LINGO1: variants seen among roughly 807,000 people sequenced by gnomAD.
LINGO1 encodes leucine-rich repeat and immunoglobulin-like domain-containing nogo receptor-interacting protein 1.
A neutral mutation model predicts 37.3 loss-of-function variants in LINGO1; 11 were observed. That is an observed-to-expected ratio of 0.29 (90% CI 0.19 to 0.49). The LOEUF (loss-of-function observed/expected upper bound fraction) is 0.49. Ranked by LOEUF, LINGO1 falls within the 20% of genes least tolerant of loss-of-function variation. The probability of loss-of-function intolerance (pLI) is 0.99; values close to 1 mark genes in which losing one functional copy is unlikely to be tolerated. For missense variants in LINGO1, 585 were observed against 878.2 expected (o/e 0.67, Z 4.22); for synonymous variants, 387 against 403.0 (o/e 0.96, Z 0.48).
At chr15:77,817,765 G>C (rs937397221) in intron 1 of LINGO1, among the ~76,000 whole-genome samples, 1 of 152,174 alleles carries the variant, frequency 6.6e-6, no homozygotes, top group South Asian at 2.1e-4. Flanking sequence ...GGATACCCTC[G>C]CAGTGGAAAA....
At chr15:77,708,367 T>C (rs2075878040) in intron 2 of LINGO1, among the ~76,000 whole-genome samples, 1 of 152,028 alleles carries the variant, frequency 6.6e-6, no homozygotes, top group African/African-American at 2.4e-5. Flanking sequence ...CAGAGGAAAC[T>C]GATGGAGCTG....
At chr15:77,792,831 G>A (rs539224207) in intron 2 of LINGO1, among the ~76,000 whole-genome samples, 3 of 152,354 alleles carry the variant, frequency 2.0e-5, no homozygotes, top group African/African-American at 7.2e-5. Context: ...GGCGCTCAGT[G>A]AGTATGCGCT....
At chr15:77,816,696 G>C (rs2077050736) in intron 1 of LINGO1, among the ~76,000 whole-genome samples, 1 of 152,254 alleles carries the variant, frequency 6.6e-6, no homozygotes, top group South Asian at 2.1e-4. Context: ...TTCATCCCCG[G>C]CAGAATAGAC....
intron 1 of LINGO1, among the ~76,000 whole-genome samples, chr15:77,818,966 A>G (rs1176080263): frequency 7.3e-6 from 1 of 136,550 alleles, no homozygotes; most frequent in Non-Finnish European, 1.6e-5. Context: ...CTCCGTCCCC[A>G]CCCCTCCCGG....
In LINGO1 at chr15:77,786,465, C is replaced by T. The variant is rs140669586; in HGVS notation, c.-257+404G>A. ...GCCCAGACTGCTGGATGGTCCCCAACCCCAGGCCTCTGGGGAGTGCCTGCG... is the reference window on the plus strand; with the variant it reads ...GCCCAGACTGCTGGATGGTCCCCAATCCCAGGCCTCTGGGGAGTGCCTGCG... On this transcript the variant is annotated intron_variant, in intron 1 of 3. Coordinates refer to the LINGO1 transcript ENST00000561686. Among the ~76,000 whole-genome samples the T allele has an allele frequency of 3.9e-3, 597 of 152,340 alleles. 4 individuals carry two copies. The highest frequency in any genetic ancestry group is 0.014 in the African/African-American group (562 of 41,572).
At position 77,724,184 on chromosome 15, in the gene LINGO1, C is replaced by T. The variant is rs141054028; in HGVS notation, c.-195+10808G>A. On this transcript the variant is annotated intron_variant, in intron 2 of 3. Coordinates refer to the LINGO1 transcript ENST00000561686. ...GGGTCTGCTCAGCTCTGCCCGCTTC[C>T]TCCAGGTACCCCCATCCCAGCACAT... Among the ~76,000 whole-genome samples, 473 of 152,320 alleles carry T rather than the reference C, an allele frequency of 3.1e-3. 2 individuals are homozygous for T. Among genetic ancestry groups the T allele is most frequent in the African/African-American group, 9.8e-3 (406 of 41,574 alleles).
intron 2 of LINGO1, among the ~76,000 whole-genome samples, chr15:77,726,511 A>G (rs1364496734): frequency 1.3e-5 from 2 of 152,250 alleles, no homozygotes; most frequent in Non-Finnish European, 2.9e-5. Flanking sequence ...TGCAGTTGCT[A>G]CGGCCTCTGC....
intron 1 of LINGO1, among the ~76,000 whole-genome samples, chr15:77,801,605 T>TTA (rs1555544330): frequency 6.6e-6 from 1 of 151,882 alleles, no homozygotes; most frequent in Non-Finnish European, 1.5e-5. Context: ...TTTTTTTTTT[T>TTA]AATCCTTCTC....
chr15:77,619,089 G>C (rs368762267), intron 1 of LINGO1, among the ~76,000 whole-genome samples: 6 of 152,168 alleles, frequency 3.9e-5, no homozygotes, highest in Admixed American at 3.9e-4. Context: ...TAGTGACCTT[G>C]AGCAAAGAGG....
intron 1 of LINGO1, among the ~76,000 whole-genome samples, chr15:77,803,939 C>T (rs1394682327): frequency 1.3e-5 from 2 of 152,186 alleles, no homozygotes; most frequent in East Asian, 1.9e-4. Flanking sequence ...TTCTCAGCCC[C>T]TAAGCCACGC....
intron 2 of LINGO1, among the ~76,000 whole-genome samples, chr15:77,795,008 G>C (rs769122696): frequency 6.6e-6 from 1 of 152,096 alleles, no homozygotes; most frequent in East Asian, 1.9e-4. Flanking sequence ...TCAGGAGAAG[G>C]GAGTCCAGGC....
chr15:77,799,990 TCAGCACTGAGAAGG>T (rs2076904437), intron 1 of LINGO1, among the ~76,000 whole-genome samples: 1 of 151,816 alleles, frequency 6.6e-6, no homozygotes, highest in East Asian at 1.9e-4. Context: ...TCCAGGAAGC[TCAGCACTGAGAAGG>T]CAGGACGGGG....
At chr15:77,761,627 C>T (rs2076477983) in intron 1 of LINGO1, among the ~76,000 whole-genome samples, 1 of 152,198 alleles carries the variant, frequency 6.6e-6, no homozygotes, top group Non-Finnish European at 1.5e-5. Flanking sequence ...TTCCAGGTAA[C>T]TCATCTCCCA....
chr15:77,793,947 G>T (rs969069773), intron 2 of LINGO1, among the ~76,000 whole-genome samples: 1 of 152,098 alleles, frequency 6.6e-6, no homozygotes, highest in Non-Finnish European at 1.5e-5. Context: ...CAGACTTCAA[G>T]GCTTAGCCCA....
At chr15:77,667,331 C>T (rs187230265) in intron 3 of LINGO1, among the ~76,000 whole-genome samples, 2 of 152,306 alleles carry the variant, frequency 1.3e-5, no homozygotes, top group East Asian at 3.9e-4. Context: ...CCCTTCTAGG[C>T]TGTGGGTGCT....
intron 1 of LINGO1, among the ~76,000 whole-genome samples, chr15:77,748,563 C>T (rs930627473): frequency 1.3e-5 from 2 of 152,202 alleles, no homozygotes; most frequent in African/African-American, 2.4e-5. Flanking sequence ...GCATAGTGGG[C>T]AGGACCAGGA....
intron 1 of LINGO1, among the ~76,000 whole-genome samples, chr15:77,819,703 G>T (rs1030159917): frequency 2.0e-5 from 3 of 151,016 alleles, no homozygotes; most frequent in Non-Finnish European, 4.4e-5. Context: ...GCCCCTCCGG[G>T]ACCCGCCGGC....
At chr15:77,765,629 G>A (rs888638515) in intron 1 of LINGO1, among the ~76,000 whole-genome samples, 1 of 152,070 alleles carries the variant, frequency 6.6e-6, no homozygotes, top group Admixed American at 6.5e-5. Flanking sequence ...TTCCAGTGGG[G>A]AGGATCAAAC....
At chr15:77,720,961 C>T (rs67228710) in intron 2 of LINGO1, among the ~76,000 whole-genome samples, 13,560 of 152,100 alleles carry the variant, frequency 0.089, 654 homozygotes, top group Middle Eastern at 0.13. Flanking sequence ...CGGGACTCTC[C>T]TGGGTCAGCA....
Sources: allele counts gnomAD v4.1 joint callset (sites outside exome capture counted in the v4.1 genomes callset), GRCh38; gene constraint gnomAD v4.1.1; transcripts MANE v1.5; gene names NCBI Gene and HGNC (gene_info 2026-07-23, HGNC 2026-07-21).